Variants in ANKS1B observed in about 807,000 individuals in gnomAD.
ANKS1B encodes ankyrin repeat and sterile alpha motif domain containing 1B.
Under a neutral mutation model 148.3 loss-of-function variants are expected in ANKS1B, and 36 were observed. The ratio of observed to expected loss-of-function variants is 0.24; its 90% CI spans 0.19 to 0.32. The LOEUF is 0.32. Among genes scored for constraint, ANKS1B ranks in the 10% least tolerant of loss-of-function variants. ANKS1B has a pLI of 1.00. For synonymous variants in ANKS1B, 542 were observed against 560.8 expected (o/e 0.97, Z 0.47); for missense variants, 1,157 against 1,542.6 (o/e 0.75, Z 4.19).
chr12:99,531,064 C>T (rs974802787), intron 9 of ANKS1B, among the ~76,000 whole-genome samples: 2 of 152,086 alleles, frequency 1.3e-5, no homozygotes, highest in Admixed American at 1.3e-4. Flanking sequence ...TAGAAATTCT[C>T]CCTTTCCTTC....
At chr12:99,262,336 C>T (rs966634115) in intron 12 of ANKS1B, among the ~76,000 whole-genome samples, 7 of 151,940 alleles carry the variant, frequency 4.6e-5, no homozygotes, top group South Asian at 4.1e-4. Context: ...AGAACAAAGG[C>T]TGGAACATAG....
chr12:99,798,431 A>AG (rs2066512782), intron 4 of ANKS1B, among the ~76,000 whole-genome samples: 1 of 112,202 alleles, frequency 8.9e-6, no homozygotes, highest in Non-Finnish European at 2.0e-5. Flanking sequence ...ATTAAAAAAA[A>AG]AAAAAAAAAA....
chr12:99,544,422 G>A (rs2097154590), intron 9 of ANKS1B, among the ~76,000 whole-genome samples: 1 of 152,112 alleles, frequency 6.6e-6, no homozygotes, highest in South Asian at 2.1e-4. Context: ...TTTATTATGT[G>A]CAGCAAGTCA....
chr12:99,182,767 C>T (rs886093598), intron 14 of ANKS1B, among the ~76,000 whole-genome samples: 8 of 152,046 alleles, frequency 5.3e-5, no homozygotes, highest in African/African-American at 1.2e-4. Context: ...TTCTAATTTA[C>T]GTTCCTACTA....
chr12:99,389,511 T>G (rs1460657098), intron 12 of ANKS1B, among the ~76,000 whole-genome samples: 1 of 152,238 alleles, frequency 6.6e-6, no homozygotes, highest in Non-Finnish European at 1.5e-5. Flanking sequence ...CCGTAAGCTT[T>G]TCTCTCACAG....
intron 15 of ANKS1B, among the ~76,000 whole-genome samples, chr12:99,125,708 ATAACTCC>A (rs2153736688): frequency 6.6e-6 from 1 of 152,316 alleles, no homozygotes; most frequent in South Asian, 2.1e-4. Context: ...AGGCTCAAGG[ATAACTCC>A]TAGGTTTCCC....
At chr12:99,690,542 A>G (rs981802832) in intron 8 of ANKS1B, among the ~76,000 whole-genome samples, 3 of 152,132 alleles carry the variant, frequency 2.0e-5, no homozygotes, top group African/African-American at 7.2e-5. Flanking sequence ...TGGGAGAAAA[A>G]GGAGCTACAG....
At chr12:99,861,519 T>C (rs2090007344) in intron 1 of ANKS1B, among the ~76,000 whole-genome samples, 1 of 152,220 alleles carries the variant, frequency 6.6e-6, no homozygotes, top group African/African-American at 2.4e-5. Flanking sequence ...ATTGATAGAA[T>C]TGTTTTGTCT....
chr12:99,932,668 G>C (rs1466605645), intron 1 of ANKS1B, among the ~76,000 whole-genome samples: 3 of 151,930 alleles, frequency 2.0e-5, no homozygotes, highest in Non-Finnish European at 4.4e-5. Context: ...TATATATTCT[G>C]GTTATTAATC....
chr12:99,296,965 C>T (rs886404019), intron 12 of ANKS1B, among the ~76,000 whole-genome samples: 1 of 152,086 alleles, frequency 6.6e-6, no homozygotes, highest in Non-Finnish European at 1.5e-5. Flanking sequence ...TTGCGTTGGG[C>T]TAGATTATGG....
intron 15 of ANKS1B, among the ~76,000 whole-genome samples, chr12:99,125,645 G>C (rs1310189763): frequency 6.6e-6 from 1 of 152,134 alleles, no homozygotes; most frequent in African/African-American, 2.4e-5. Flanking sequence ...TGTGTGCTAG[G>C]TAAATCAGCA....
intron 20 of ANKS1B, among the ~76,000 whole-genome samples, chr12:98,804,107 T>C (rs1290655197): frequency 6.6e-6 from 1 of 152,204 alleles, no homozygotes; most frequent in Non-Finnish European, 1.5e-5. Context: ...ACCACTTGCT[T>C]TGAATTCAGA....
chr12:99,832,267 A>G (rs1351709088), intron 1 of ANKS1B, among the ~76,000 whole-genome samples: 1 of 152,174 alleles, frequency 6.6e-6, no homozygotes, highest in South Asian at 2.1e-4. Flanking sequence ...CAGACACAAA[A>G]ATATACACTG....
intron 1 of ANKS1B, among the ~76,000 whole-genome samples, chr12:99,831,581 T>A (rs1360908107): frequency 2.6e-5 from 4 of 152,218 alleles, no homozygotes; most frequent in Admixed American, 6.5e-5. Context: ...TCTTTGCTCT[T>A]GTCAGCTAGA....
intron 16 of ANKS1B, among the ~76,000 whole-genome samples, chr12:99,055,723 G>GA (rs201856449): frequency 6.7e-6 from 1 of 149,482 alleles, no homozygotes; most frequent in Admixed American, 6.7e-5. Flanking sequence ...TCTAAACTTG[G>GA]GGGGGGGGGA....
intron 9 of ANKS1B, among the ~76,000 whole-genome samples, chr12:99,505,936 G>C (rs1909843): frequency 0.53 from 80,224 of 151,780 alleles, 22,535 homozygotes; most frequent in African/African-American, 0.73. Context: ...TTAGCGTATA[G>C]TTGGGCAAAA....
chr12:99,355,807 T>C (rs2091919931), intron 12 of ANKS1B, among the ~76,000 whole-genome samples: 1 of 152,164 alleles, frequency 6.6e-6, no homozygotes, highest in African/African-American at 2.4e-5. Flanking sequence ...GAATGGTATA[T>C]GTTTTGGGAT....
chr12:99,410,858 T>C (rs1045672774), intron 11 of ANKS1B, among the ~76,000 whole-genome samples: 38 of 152,190 alleles, frequency 2.5e-4, no homozygotes, highest in African/African-American at 8.4e-4. Flanking sequence ...AGATCTGTTA[T>C]GGTGTTCTTT....
In ANKS1B at chr12:99,399,759, T is replaced by A; in HGVS notation, c.1628A>T (p.His543Leu). Residue 543 changes from histidine (H) to leucine (L), a missense_variant, in exon 12 of 27, where the codon CAC becomes CTC. Around this residue, in one of 6 missense-constraint regions of ANKS1B, gnomAD observed 661 missense variants for 642.1 expected, o/e 1.03. Coordinates refer to ENST00000683438, the MANE Select transcript of ANKS1B (RefSeq NM_001352186.2). ...GTTGATTTCAAAATATTCTTGGTTGTGATTCATTCGGTGAAAATCCAGAGA... is the reference window on the plus strand; with the variant it reads ...GTTGATTTCAAAATATTCTTGGTTGAGATTCATTCGGTGAAAATCCAGAGA... ...VSSLDFHRMN[H>L]NQEYFEINTS... The A allele has an allele frequency of 6.2e-7, 1 of 1,613,526 alleles. No individual in the cohort carries two copies. The highest frequency in any genetic ancestry group is 8.5e-7 in the Non-Finnish European group (1 of 1,179,526).
Sources: allele counts gnomAD v4.1 joint callset (sites outside exome capture counted in the v4.1 genomes callset), GRCh38; gene constraint gnomAD v4.1.1; regional missense constraint gnomAD v4.1.1; transcripts MANE v1.5; gene names NCBI Gene and HGNC (gene_info 2026-07-23, HGNC 2026-07-21).